Variants in ANKS1B observed in about 807,000 individuals in gnomAD.
ANKS1B encodes the protein ankyrin repeat and sterile alpha motif domain-containing protein 1B.
A neutral mutation model predicts 148.3 loss-of-function variants in ANKS1B; 36 were observed. The observed-to-expected ratio is 0.24, with a 90% confidence interval of 0.19 to 0.32. ANKS1B has a LOEUF of 0.32. ANKS1B is among the 10% of genes least tolerant of loss of function. The probability of loss-of-function intolerance (pLI) is 1.00; values close to 1 mark genes in which losing one functional copy is unlikely to be tolerated. For missense variants in ANKS1B, 1,157 were observed against 1,542.6 expected, an observed-to-expected ratio of 0.75 and a Z score of 4.19; for synonymous variants, 542 against 560.8, an observed-to-expected ratio of 0.97 and a Z score of 0.47.
chr12:99,681,435 T>C (rs1352817115), intron 8 of ANKS1B, among the ~76,000 whole-genome samples: 1 of 152,192 alleles, frequency 6.6e-6, no homozygotes, highest in Non-Finnish European at 1.5e-5. Flanking sequence ...CGGAGTCCAC[T>C]TCACCCCTCT....
At chr12:98,895,136 T>C in intron 17 of ANKS1B, 1 of 984,572 alleles carries the variant, frequency 1.0e-6, no homozygotes, top group Non-Finnish European at 1.2e-6. Flanking sequence ...GGCTTACCGC[T>C]CGGGCGGACC....
At chr12:99,846,349 T>G (rs571590378) in intron 1 of ANKS1B, among the ~76,000 whole-genome samples, 2 of 152,224 alleles carry the variant, frequency 1.3e-5, no homozygotes, top group African/African-American at 4.8e-5. Flanking sequence ...TATTTTTCCT[T>G]AACATTTTAT....
chr12:99,944,164 C>T (rs1177214613), intron 1 of ANKS1B, among the ~76,000 whole-genome samples: 2 of 152,204 alleles, frequency 1.3e-5, no homozygotes, highest in East Asian at 1.9e-4. Flanking sequence ...TCCAAATTTA[C>T]CCCATCTTCA....
chr12:98,761,754 TG>T (rs2098410183), intron 25 of ANKS1B, among the ~76,000 whole-genome samples: 1 of 152,192 alleles, frequency 6.6e-6, no homozygotes, highest in Non-Finnish European at 1.5e-5. Context: ...GCTGCCCAAA[TG>T]GCTGACAAGG....
At chr12:99,924,083 G>C (rs1394416221) in intron 1 of ANKS1B, among the ~76,000 whole-genome samples, 2 of 152,054 alleles carry the variant, frequency 1.3e-5, no homozygotes, top group African/African-American at 4.8e-5. Flanking sequence ...CCTAGTCAAA[G>C]ACCTGATACT....
chr12:99,515,601 A>T (rs781466227), intron 9 of ANKS1B, among the ~76,000 whole-genome samples: 11 of 151,860 alleles, frequency 7.2e-5, no homozygotes, highest in East Asian at 1.9e-4. Flanking sequence ...TTGCTTCCAA[A>T]TTTTTCTATT....
chr12:99,009,096 T>C, intron 17 of ANKS1B, among the ~76,000 whole-genome samples: 1 of 152,222 alleles, frequency 6.6e-6, no homozygotes, highest in South Asian at 2.1e-4. Flanking sequence ...CAATGCTAAC[T>C]GTCATTCCTT....
At chr12:99,188,512 A>G (rs1214915634) in intron 14 of ANKS1B, among the ~76,000 whole-genome samples, 1 of 152,248 alleles carries the variant, frequency 6.6e-6, no homozygotes, top group Non-Finnish European at 1.5e-5. Flanking sequence ...ACCACAGTGC[A>G]ATCAAATTGG....
chr12:99,783,200 AAAAAAGAAAAG>A (rs1350468051), intron 4 of ANKS1B, among the ~76,000 whole-genome samples: 131 of 151,914 alleles, frequency 8.6e-4, no homozygotes, highest in African/African-American at 1.8e-3. Flanking sequence ...CAAAAAAAAA[AAAAAAGAAAAG>A]AAAAAGAAAA....
intron 4 of ANKS1B, among the ~76,000 whole-genome samples, chr12:99,786,726 AG>A (rs2065047636): frequency 6.6e-6 from 1 of 152,220 alleles, no homozygotes; most frequent in Non-Finnish European, 1.5e-5. Context: ...ATAAATGCTT[AG>A]AAAAAAGCAG....
At chr12:98,760,970 A>G (rs1402317610) in intron 25 of ANKS1B, among the ~76,000 whole-genome samples, 1 of 152,204 alleles carries the variant, frequency 6.6e-6, no homozygotes, top group East Asian at 1.9e-4. Flanking sequence ...TACACATGAT[A>G]TTGCCTACTA....
At chr12:98,922,237 G>A (rs769320539) in intron 17 of ANKS1B, among the ~76,000 whole-genome samples, 12 of 152,098 alleles carry the variant, frequency 7.9e-5, no homozygotes, top group Admixed American at 2.0e-4. Flanking sequence ...TAGAATATAC[G>A]TACTTTGTTT....
At chr12:99,167,862 A>G (rs1284778622) in intron 14 of ANKS1B, among the ~76,000 whole-genome samples, 1 of 152,248 alleles carries the variant, frequency 6.6e-6, no homozygotes, top group Non-Finnish European at 1.5e-5. Flanking sequence ...AATATTACTC[A>G]GCAATAAAAA....
At chr12:99,233,254 C>A (rs575383846) in intron 14 of ANKS1B, among the ~76,000 whole-genome samples, 4 of 152,088 alleles carry the variant, frequency 2.6e-5, no homozygotes, top group African/African-American at 9.6e-5. Context: ...ATAAGGGATA[C>A]CTAAACTGTA....
intron 26 of ANKS1B, 117 bp from the exon 27 acceptor site, chr12:98,745,966 G>T: frequency 9.2e-7 from 1 of 1,082,440 alleles, no homozygotes; most frequent in Non-Finnish European, 1.3e-6. Flanking sequence ...GGGCGGCGAT[G>T]CTGGTCTAGG....
chr12:99,258,240 T>C (rs929054683), intron 12 of ANKS1B, among the ~76,000 whole-genome samples: 1 of 152,148 alleles, frequency 6.6e-6, no homozygotes, highest in Non-Finnish European at 1.5e-5. Flanking sequence ...TGATGTAATA[T>C]ATAATCAATA....
chr12:99,237,684 A>T (rs1217575582), intron 14 of ANKS1B, among the ~76,000 whole-genome samples: 1 of 152,206 alleles, frequency 6.6e-6, no homozygotes, highest in Non-Finnish European at 1.5e-5. Context: ...ACTGAATAAG[A>T]AATATTAGTG....
intron 10 of ANKS1B, among the ~76,000 whole-genome samples, chr12:99,484,584 T>C (rs1458065136): frequency 6.6e-6 from 1 of 152,014 alleles, no homozygotes; most frequent in African/African-American, 2.4e-5. Context: ...GTGGTGTCAG[T>C]GGTAAATTAA....
intron 1 of ANKS1B, among the ~76,000 whole-genome samples, chr12:99,874,382 A>G (rs1176214393): frequency 1.3e-5 from 2 of 152,106 alleles, no homozygotes; most frequent in Admixed American, 1.3e-4. Flanking sequence ...CCAATTCTGT[A>G]TTTGTGAATT....
Sources: gnomAD v4.1 joint callset for allele counts (sites outside exome capture counted in the v4.1 genomes callset) on GRCh38, gnomAD v4.1.1 for gene constraint, MANE v1.5 for transcripts, NCBI Gene and HGNC (gene_info 2026-07-23, HGNC 2026-07-21) for gene names.